Variants in PDK1 observed in about 807,000 individuals in gnomAD.
PDK1 encodes the protein [Pyruvate dehydrogenase (acetyl-transferring)] kinase isozyme 1, mitochondrial.
PDK1 carries 39 observed loss-of-function variants against 54.2 expected under a neutral mutation model. The ratio of observed to expected loss-of-function variants is 0.72; its 90% CI spans 0.56 to 0.94. The LOEUF is 0.94. Ranked by LOEUF, PDK1 falls within the 40% of genes least tolerant of loss-of-function variation. PDK1 has a pLI of 0.00. For synonymous variants in PDK1, 221 were observed against 207.1 expected, an observed-to-expected ratio of 1.07 and a Z score of -0.58; for missense variants, 552 against 566.0, an observed-to-expected ratio of 0.98 and a Z score of 0.25.
the PDK1 span, among the ~76,000 whole-genome samples, chr2:172,622,759 C>CAT: frequency 2.1e-5 from 3 of 142,474 alleles, no homozygotes; most frequent in South Asian, 2.3e-4. Context: ...GTTTATATCT[C>CAT]ATTATGTGAG....
At chr2:172,679,471 G>T in the PDK1 span, among the ~76,000 whole-genome samples, 745 of 152,132 alleles carry the variant, frequency 4.9e-3, 6 homozygotes, top group Non-Finnish European at 6.7e-3. Flanking sequence ...AACAACAAAA[G>T]AATATTTTAT....
At chr2:172,670,755 T>C in the PDK1 span, among the ~76,000 whole-genome samples, 2 of 152,366 alleles carry the variant, frequency 1.3e-5, no homozygotes, top group East Asian at 3.9e-4. Flanking sequence ...GGTGTATTTA[T>C]TTTTAAATTT....
At chr2:172,557,805 A>G (rs772570999) in intron 1 of PDK1, among the ~76,000 whole-genome samples, 1 of 152,028 alleles carries the variant, frequency 6.6e-6, no homozygotes, top group Non-Finnish European at 1.5e-5. Context: ...GGTAATTAGC[A>G]TTAGTGGTTC....
At chr2:172,576,342 T>A (rs1189086602) in intron 8 of PDK1, among the ~76,000 whole-genome samples, 1 of 151,786 alleles carries the variant, frequency 6.6e-6, no homozygotes, top group Non-Finnish European at 1.5e-5. Flanking sequence ...TTGGTAGTGA[T>A]GTCCCCACTT....
At chr2:172,722,881 A>G in the PDK1 span, among the ~76,000 whole-genome samples, 1 of 152,076 alleles carries the variant, frequency 6.6e-6, no homozygotes, top group Admixed American at 6.6e-5. Context: ...CGGCTAAGTT[A>G]TAAATGAAAT....
At chr2:172,580,164 TAAAG>T (rs571906339) in intron 8 of PDK1, among the ~76,000 whole-genome samples, 124 of 152,248 alleles carry the variant, frequency 8.1e-4, no homozygotes, top group African/African-American at 2.9e-3. Flanking sequence ...TTGTTCATTT[TAAAG>T]AGATAGGCAC....
chr2:172,629,164 G>T, the PDK1 span, among the ~76,000 whole-genome samples: 8,027 of 152,128 alleles, frequency 0.053, 407 homozygotes, highest in East Asian at 0.22. Flanking sequence ...TTTCATCTTT[G>T]TACATGTGAT....
intron 9 of PDK1, among the ~76,000 whole-genome samples, chr2:172,591,573 A>G (rs1297452389): frequency 1.3e-5 from 2 of 152,156 alleles, no homozygotes; most frequent in Non-Finnish European, 2.9e-5. Context: ...AAGTAGATAA[A>G]CTGGCTGTTC....
chr2:172,644,145 C>CAG, the PDK1 span, among the ~76,000 whole-genome samples: 32,951 of 152,148 alleles, frequency 0.22, 3,694 homozygotes, highest in Non-Finnish European at 0.25. Context: ...CTGGCCACAG[C>CAG]AAACACCTGC....
the PDK1 span, among the ~76,000 whole-genome samples, chr2:172,684,796 T>C: frequency 6.6e-6 from 1 of 152,208 alleles, no homozygotes; most frequent in Non-Finnish European, 1.5e-5. Context: ...GATTTTGGCC[T>C]CCTAAATATC....
the PDK1 span, among the ~76,000 whole-genome samples, chr2:172,656,685 G>T: frequency 6.6e-6 from 1 of 152,254 alleles, no homozygotes; most frequent in African/African-American, 2.4e-5. Flanking sequence ...GAGGCAGGAG[G>T]ATCACTTCTT....
chr2:172,664,237 G>A, the PDK1 span, among the ~76,000 whole-genome samples: 1 of 134,574 alleles, frequency 7.4e-6, no homozygotes, highest in Non-Finnish European at 1.5e-5. Context: ...CTTGAACCCA[G>A]GAGGCAGAGG....
the PDK1 span, among the ~76,000 whole-genome samples, chr2:172,663,044 G>A: frequency 6.6e-6 from 1 of 152,304 alleles, no homozygotes. Context: ...GTTTGCCAGG[G>A]TTAACAACAC....
chr2:172,623,550 TTATGA>T, the PDK1 span, among the ~76,000 whole-genome samples: 7 of 152,322 alleles, frequency 4.6e-5, no homozygotes, highest in South Asian at 1.5e-3. Flanking sequence ...CTAATAAAAG[TTATGA>T]TATGTAGTAA....
At chr2:172,678,687 G>A in the PDK1 span, among the ~76,000 whole-genome samples, 2 of 152,126 alleles carry the variant, frequency 1.3e-5, no homozygotes, top group Non-Finnish European at 2.9e-5. Flanking sequence ...ATTTAAGAAA[G>A]GTGCCACTGG....
At chr2:172,626,596 C>A in the PDK1 span, among the ~76,000 whole-genome samples, 1 of 152,028 alleles carries the variant, frequency 6.6e-6, no homozygotes, top group Non-Finnish European at 1.5e-5. Context: ...GGGTTTCAGA[C>A]CAGCCTGGAC....
the PDK1 span, among the ~76,000 whole-genome samples, chr2:172,675,410 A>G: frequency 6.6e-6 from 1 of 152,222 alleles, no homozygotes. Context: ...GCTGAAGGAA[A>G]CTACAAATGC....
intron 1 of PDK1, among the ~76,000 whole-genome samples, chr2:172,557,767 G>T (rs1688427872): frequency 6.6e-6 from 1 of 151,388 alleles, no homozygotes; most frequent in African/African-American, 2.4e-5. Flanking sequence ...GAGCCACCAT[G>T]CCCGGACTGC....
At chr2:172,559,736 T>C (rs371406974) in intron 2 of PDK1, among the ~76,000 whole-genome samples, 1 of 151,950 alleles carries the variant, frequency 6.6e-6, no homozygotes, top group East Asian at 1.9e-4. Context: ...TTAGTAGAAA[T>C]AGAGGTTTCA....
Sources: allele counts gnomAD v4.1 joint callset (sites outside exome capture counted in the v4.1 genomes callset), GRCh38; gene constraint gnomAD v4.1.1; transcripts MANE v1.5; gene names NCBI Gene and HGNC (gene_info 2026-07-23, HGNC 2026-07-21).